NR2F1-AS1: variants seen among roughly 807,000 people sequenced by gnomAD.
The protein encoded by NR2F1-AS1 is NR2F1 regulatory antisense RNA 1.
chr5:93,470,009 G>GA (rs890676291), intron 4 of NR2F1-AS1, among the ~76,000 whole-genome samples: 6 of 152,016 alleles, frequency 3.9e-5, no homozygotes, highest in African/African-American at 1.2e-4. Flanking sequence ...AGTCTAATCT[G>GA]ACTTAAAACA....
intron 4 of NR2F1-AS1, among the ~76,000 whole-genome samples, chr5:93,519,826 C>A (rs1451652170): frequency 6.6e-6 from 1 of 151,970 alleles, no homozygotes; most frequent in African/African-American, 2.4e-5. Flanking sequence ...ATACAATATA[C>A]TGTGTTTGAA....
chr5:93,519,391 T>G (rs1345017986), intron 4 of NR2F1-AS1, among the ~76,000 whole-genome samples: 1 of 152,024 alleles, frequency 6.6e-6, no homozygotes, highest in East Asian at 1.9e-4. Context: ...ATGACTCCAC[T>G]GTGTAAATCA....
At chr5:93,553,126 C>CTT (rs759720424) in intron 4 of NR2F1-AS1, among the ~76,000 whole-genome samples, 12 of 133,748 alleles carry the variant, frequency 9.0e-5, no homozygotes, top group East Asian at 2.1e-4. Flanking sequence ...CAGTAATACA[C>CTT]TTTTTTTTTT....
intron 4 of NR2F1-AS1, among the ~76,000 whole-genome samples, chr5:93,532,928 T>A (rs1354204457): frequency 2.6e-5 from 4 of 152,218 alleles, no homozygotes; most frequent in Non-Finnish European, 5.9e-5. Flanking sequence ...AAAGCATAAA[T>A]TTTTAAACTG....
intron 4 of NR2F1-AS1, among the ~76,000 whole-genome samples, chr5:93,489,789 A>T (rs1750799050): frequency 6.6e-6 from 1 of 152,212 alleles, no homozygotes; most frequent in South Asian, 2.1e-4. Flanking sequence ...CTCTAAGGGC[A>T]GTTTAACCGC....
chr5:93,409,575 C>T (rs192071129), intron 4 of NR2F1-AS1: 3 of 152,242 alleles, frequency 2.0e-5, no homozygotes, highest in African/African-American at 4.8e-5. Flanking sequence ...TGGAAGATAC[C>T]TCATGCAAAC....
intron 4 of NR2F1-AS1, among the ~76,000 whole-genome samples, chr5:93,441,284 T>C (rs1749563041): frequency 6.6e-6 from 1 of 152,230 alleles, no homozygotes; most frequent in Non-Finnish European, 1.5e-5. Context: ...TCCAAAGACC[T>C]GAGGTACTTC....
At chr5:93,458,182 C>T (rs1466619574) in intron 4 of NR2F1-AS1, among the ~76,000 whole-genome samples, 1 of 152,112 alleles carries the variant, frequency 6.6e-6, no homozygotes, top group Non-Finnish European at 1.5e-5. Flanking sequence ...GACCGGCGCT[C>T]AGCATACAGA....
At chr5:93,414,617 G>A (rs1748929842) in intron 4 of NR2F1-AS1, among the ~76,000 whole-genome samples, 1 of 152,128 alleles carries the variant, frequency 6.6e-6, no homozygotes, top group South Asian at 2.1e-4. Flanking sequence ...TGAACCAATT[G>A]TCATTTCTGT....
intron 1 of NR2F1-AS1, among the ~76,000 whole-genome samples, chr5:93,572,281 G>T (rs979445314): frequency 6.6e-6 from 1 of 152,238 alleles, no homozygotes; most frequent in African/African-American, 2.4e-5. Context: ...GAACCCCCCT[G>T]TTCCCGCCGG....
chr5:93,566,974 A>G (rs998401137), intron 1 of NR2F1-AS1, among the ~76,000 whole-genome samples: 2 of 152,064 alleles, frequency 1.3e-5, no homozygotes, highest in African/African-American at 4.8e-5. Flanking sequence ...CTTATTATAC[A>G]AAATGGCATT....
intron 4 of NR2F1-AS1, among the ~76,000 whole-genome samples, chr5:93,457,794 CGGTGGCTCTGCCTTCTT>C (rs1749984951): frequency 6.6e-6 from 1 of 151,800 alleles, no homozygotes; most frequent in South Asian, 2.1e-4. Context: ...GTGCCCAAGT[CGGTGGCTCTGCCTTCTT>C]GGTGGATGGC....
At chr5:93,454,010 C>A (rs997675600) in intron 4 of NR2F1-AS1, among the ~76,000 whole-genome samples, 1 of 152,308 alleles carries the variant, frequency 6.6e-6, no homozygotes, top group East Asian at 1.9e-4. Flanking sequence ...GGTGCAGTGG[C>A]TCATGCCTAT....
chr5:93,466,035 G>T (rs1750222872), intron 4 of NR2F1-AS1, among the ~76,000 whole-genome samples: 3 of 151,696 alleles, frequency 2.0e-5, no homozygotes, highest in Non-Finnish European at 4.4e-5. Context: ...TAACAAACCT[G>T]CACGTTGTGC....
At chr5:93,456,548 T>C (rs1168229303) in intron 4 of NR2F1-AS1, among the ~76,000 whole-genome samples, 1 of 152,202 alleles carries the variant, frequency 6.6e-6, no homozygotes, top group African/African-American at 2.4e-5. Context: ...TTGATACCAT[T>C]CCAGTAAAAA....
At chr5:93,476,832 A>G (rs1750495831) in intron 4 of NR2F1-AS1, among the ~76,000 whole-genome samples, 1 of 149,070 alleles carries the variant, frequency 6.7e-6, no homozygotes, top group Non-Finnish European at 1.5e-5. Flanking sequence ...TTTGAATTGG[A>G]AAAAAAAAAT....
upstream of NR2F1-AS1, chr5:93,584,159 C>T (rs935344262): frequency 1.3e-5 from 2 of 149,468 alleles, no homozygotes; most frequent in Non-Finnish European, 3.0e-5. Context: ...CCCGCCGGGA[C>T]AGCGGCGGCG....
intron 4 of NR2F1-AS1, among the ~76,000 whole-genome samples, chr5:93,492,711 T>C (rs1750877890): frequency 6.6e-6 from 1 of 152,126 alleles, no homozygotes; most frequent in Admixed American, 6.5e-5. Context: ...GTGTAACTCA[T>C]GAATGCAAGT....
chr5:93,508,048 C>A (rs1751222313), intron 4 of NR2F1-AS1, among the ~76,000 whole-genome samples: 1 of 152,130 alleles, frequency 6.6e-6, no homozygotes, highest in Non-Finnish European at 1.5e-5. Context: ...TCTGTTCTCA[C>A]TAAATTATTT....
Sources: allele counts gnomAD v4.1 joint callset (sites outside exome capture counted in the v4.1 genomes callset), GRCh38; gene constraint gnomAD v4.1.1; transcripts MANE v1.5; gene names NCBI Gene and HGNC (gene_info 2026-07-23, HGNC 2026-07-21).